Variants in UBD observed in about 807,000 individuals in gnomAD.
The protein encoded by UBD is ubiquitin like modifier D.
A neutral mutation model predicts 2.3 loss-of-function variants in UBD; 1 was observed. That is an observed-to-expected ratio of 0.43 (90% CI 0.15 to 2.06). UBD has a LOEUF of 2.06. Ranked by LOEUF, UBD falls within the 30% of genes most tolerant of loss-of-function variation. The pLI, the probability that UBD is intolerant of heterozygous loss-of-function variation, is 0.29. For missense variants in UBD, 175 were observed against 199.3 expected (o/e 0.88, Z 0.73); for synonymous variants, 75 against 76.5 (o/e 0.98, Z 0.10).
rs149806360 is a variant in UBD, at chr6:29,556,010, G to T, written c.368C>A (p.Thr123Lys). 6.2e-7 allele frequency: 1 copy of T among 1,613,046 alleles called. No homozygotes were observed. Among genetic ancestry groups the T allele is most frequent in the South Asian group, 1.1e-5 (1 of 91,078 alleles). Residue 123 changes from threonine (T) to lysine (K), a missense_variant, in exon 2 of 2, where the codon ACG becomes AAG. Coordinates refer to ENST00000377050, the MANE Select transcript of UBD (RefSeq NM_006398.4). ...AATCTGGGTCTCAGGGATTATACCC[G>T]TCTTAGTCTCGATCATTGCTTTCAC... ...AQVKAMIETK[T>K]GIIPETQIVT... is the part of the protein sequence containing the mutation.
In UBD at chr6:29,556,275, C is replaced by T. The variant is rs1286199382; in HGVS notation, c.103G>A (p.Glu35Lys). Residue 35 changes from glutamate (E) to lysine (K), a missense_variant, in exon 2 of 2, where the codon GAA (glutamate) becomes AAA (lysine). Physicochemically the swap from Glu to Lys is moderately conservative, Grantham distance 56 (BLOSUM62 1). Coordinates refer to ENST00000377050, the MANE Select transcript of UBD (RefSeq NM_006398.4). ...ACCTTGGTCTTAGACCGGACATGTTCTTTGATTTTTTTCACGCTGTCATAT... is the reference window on the plus strand; with the variant it reads ...ACCTTGGTCTTAGACCGGACATGTTTTTTGATTTTTTTCACGCTGTCATAT... ...NPYDSVKKIK[E>K]HVRSKTKVPV... 1 of 1,613,070 alleles carries T rather than the reference C, an allele frequency of 6.2e-7. No individual in the cohort carries two copies. Among genetic ancestry groups the T allele is most frequent in the South Asian group, 1.1e-5 (1 of 91,080 alleles).
rs536387454 is a variant in UBD, at chr6:29,555,755, C to G, written c.*125G>C. 55 of 717,524 alleles carry G rather than the reference C, an allele frequency of 7.7e-5. No homozygotes were observed. In the African/African-American group the frequency reaches 8.4e-4, roughly 11 times the overall value. The allele number at this position is 717,524 out of a possible 1,614,324, so 44.4% of individuals were successfully genotyped here. On this transcript the variant is annotated 3_prime_UTR_variant, in exon 2 of 2. Transcript: ENST00000377050. ...TATACTTCATCCTACCCATCCCACC[C>G]AAATCTTACTCTACTCATCTCATTC... is the stretch of plus-strand genomic sequence containing the variant.
chr6:29,555,950 T>G lies in UBD; in HGVS notation c.428A>C (p.Lys143Thr). ...TCTGATGCCGTAATCTGCCATCATC[T>G]TCCCATCTTCCAGTCTCTTTCCATT... Reference protein sequence around the residue: ...TCNGKRLEDGKMMADYGIRKG... With the variant: ...TCNGKRLEDGTMMADYGIRKG... The change falls in exon 2 of 2, where the codon AAG (lysine) becomes ACG (threonine). Residue 143 changes from lysine (K) to threonine (T), a missense_variant. Coordinates refer to ENST00000377050, the MANE Select transcript of UBD (RefSeq NM_006398.4). 1 of 1,613,122 alleles carries G rather than the reference T, an allele frequency of 6.2e-7. No individual in the cohort carries two copies. Among genetic ancestry groups the G allele is most frequent in the Non-Finnish European group, 8.5e-7 (1 of 1,180,038 alleles).
At position 29,556,071 on chromosome 6, in the gene UBD, G is replaced by C; in HGVS notation, c.307C>G (p.Leu103Val). 4.3e-6 allele frequency: 7 copies of C among 1,613,106 alleles called. No homozygotes were observed. Among genetic ancestry groups the C allele is most frequent in the Non-Finnish European group, 5.9e-6 (7 of 1,180,032 alleles). Residue 103 changes from leucine to valine, a missense_variant, in exon 2 of 2, where the codon CTC becomes GTC. Physicochemically the swap from Leu to Val is conservative, Grantham distance 32 (BLOSUM62 1). Coordinates refer to ENST00000377050, the MANE Select transcript of UBD (RefSeq NM_006398.4). ...VESGDEAKRH[L>V]LQVRRSSSVA... ...GAGCTGGACCTTCGCACCTGGAGGAGGTGCCTCTTTGCCTCATCACCTGAC... is the reference window on the plus strand; with the variant it reads ...GAGCTGGACCTTCGCACCTGGAGGACGTGCCTCTTTGCCTCATCACCTGAC...
Position 29,556,043 on chromosome 6 carries a change from A to G in UBD, c.335T>C (p.Val112Ala). Residue 112 changes from valine to alanine, a missense_variant, in exon 2 of 2, where the codon GTG (valine) becomes GCG (alanine). Coordinates refer to ENST00000377050, the MANE Select transcript of UBD (RefSeq NM_006398.4). ...HLLQVRRSSS[V>A]AQVKAMIETK... ...CTCGATCATTGCTTTCACTTGTGCCACTGAGCTGGACCTTCGCACCTGGAG... is the reference window on the plus strand; with the variant it reads ...CTCGATCATTGCTTTCACTTGTGCCGCTGAGCTGGACCTTCGCACCTGGAG... 1 of 1,613,048 alleles carries G rather than the reference A, an allele frequency of 6.2e-7. No individual in the cohort carries two copies. The highest frequency in any genetic ancestry group is 1.3e-5 in the African/African-American group (1 of 75,008).
rs1392599239 is a variant in UBD at position 29,555,962 on chromosome 6, A to G, written c.416T>C (p.Leu139Pro). Residue 139 changes from leucine (L) to proline (P), a missense_variant, in exon 2 of 2, where the codon CTG becomes CCG. Leu to Pro is a moderately conservative substitution (Grantham distance 98, BLOSUM62 -3). Transcript: ENST00000377050. ...ATCTGCCATCATCTTCCCATCTTCC[A>G]GTCTCTTTCCATTGCAAGTCACAAT... ...TQIVTCNGKR[L>P]EDGKMMADYG... 3.7e-6 allele frequency: 6 copies of G among 1,613,088 alleles called. No individual in the cohort carries two copies. In the South Asian group the frequency reaches 4.4e-5, roughly 12 times the overall value.
At chr6:29,559,328 G>C (rs917062405) in intron 1 of UBD, among the ~76,000 whole-genome samples, 1 of 152,200 alleles carries the variant, frequency 6.6e-6, no homozygotes, top group Non-Finnish European at 1.5e-5. Context: ...TTTGAGAGGA[G>C]AGGGAAGATT....
Position 29,556,298 on chromosome 6 carries a change from T to C in UBD, c.80A>G (p.Tyr27Cys). The change falls in exon 2 of 2, where the codon TAT becomes TGT. Residue 27 changes from tyrosine (Y) to cysteine (C), a missense_variant. Coordinates refer to ENST00000377050, the MANE Select transcript of UBD (RefSeq NM_006398.4). ...WDLMTFDANP[Y>C]DSVKKIKEHV... ...TTCTTTGATTTTTTTCACGCTGTCA[T>C]ATGGGTTGGCATCAAAGGTCATTAA... 1 of 1,613,054 alleles carries C rather than the reference T, an allele frequency of 6.2e-7. No homozygotes were observed. The highest frequency in any genetic ancestry group is 8.5e-7 in the Non-Finnish European group (1 of 1,180,028).
rs1022359803 is a variant in UBD at position 29,555,571 on chromosome 6, G to A, written c.*309C>T. On this transcript the variant is annotated 3_prime_UTR_variant, in exon 2 of 2. Coordinates refer to ENST00000377050, the MANE Select transcript of UBD (RefSeq NM_006398.4). ...TAAAGGAAAGGAGATAGGAGTTTTT[G>A]CATAAATAACAAGGTATCAAGACAG... 6.4e-5 allele frequency: 22 copies of A among 344,570 alleles called. No individual in the cohort carries two copies. Among genetic ancestry groups the A allele is most frequent in the Non-Finnish European group, 6.8e-5 (13 of 192,396 alleles). The allele number at this position is 344,570 out of a possible 1,614,324, so 21.3% of individuals were successfully genotyped here. A position where few individuals can be genotyped will look rare whatever the true frequency, so the allele number is the denominator to read the frequency against.
rs745633939 is a variant in UBD, at chr6:29,559,681, G to T, written c.21C>A (p.Cys7Ter). 2.7e-5 allele frequency: 44 copies of T among 1,612,860 alleles called. 1 individual carries two copies. In the Admixed American group the frequency reaches 7.2e-4, roughly 26 times the overall value. The part of the protein sequence containing the change: MAPNAS[C>*]LCVHVRSEEW... ...TTATCAAATCCCAACTTACACAGAGGCAGGAAGCATTGGGAGCCATCTCTG... is the reference window on the plus strand; with the variant it reads ...TTATCAAATCCCAACTTACACAGAGTCAGGAAGCATTGGGAGCCATCTCTG... The change falls in exon 1 of 2, where the codon TGC (cysteine) becomes TGA (stop). Residue 7 changes from cysteine to a stop codon, truncating the protein, a stop_gained. Transcript: ENST00000377050. LOFTEE classifies it low-confidence loss of function (END_TRUNC).
intron 1 of UBD, chr6:29,556,962 T>C (rs1003527125): frequency 6.6e-6 from 1 of 152,252 alleles, no homozygotes; most frequent in African/African-American, 2.4e-5. Context: ...GTCTCAAAAA[T>C]ATAAATAAAT....
At chr6:29,558,087 A>G (rs1582869098) in intron 1 of UBD, among the ~76,000 whole-genome samples, 1 of 152,226 alleles carries the variant, frequency 6.6e-6, no homozygotes, top group African/African-American at 2.4e-5. Flanking sequence ...TAGGACACAT[A>G]ATCACTGAAC....
At chr6:29,557,930 T>C (rs534138345) in intron 1 of UBD, among the ~76,000 whole-genome samples, 1 of 152,350 alleles carries the variant, frequency 6.6e-6, no homozygotes, top group Admixed American at 6.5e-5. Context: ...GTTTGTCAAA[T>C]GTCAACAAGT....
intron 1 of UBD, chr6:29,557,131 G>C (rs1333745917): frequency 6.6e-6 from 1 of 152,128 alleles, no homozygotes; most frequent in Non-Finnish European, 1.5e-5. Context: ...ACAAGACCGA[G>C]GGCTATAACA....
At position 29,555,629 on chromosome 6, in the gene UBD, T is replaced by C. The variant is rs953094659; in HGVS notation, c.*251A>G. 7.1e-5 allele frequency: 35 copies of C among 494,140 alleles called. No homozygotes were observed. Among genetic ancestry groups the C allele is most frequent in the Non-Finnish European group, 1.2e-4 (33 of 283,486 alleles). 30.6% of individuals were successfully genotyped at this position (494,140 alleles called of 1,614,324 possible). A position where few individuals can be genotyped will look rare whatever the true frequency, so the allele number is the denominator to read the frequency against. On this transcript the variant is annotated 3_prime_UTR_variant, in exon 2 of 2. Transcript: ENST00000377050. ...TTCCAAGCTGGCTTTGAATGCTCTA[T>C]TTTGCCTTAAAAATTTATTTACTAG... is the stretch of plus-strand genomic sequence containing the variant.
At position 29,559,702 on chromosome 6, in the gene UBD, C is replaced by T; in HGVS notation, c.-1G>A. ...AGAGGCAGGAAGCATTGGGAGCCATCTCTGCAGACAAGGGGCCAGAAACCA... is the reference window on the plus strand; with the variant it reads ...AGAGGCAGGAAGCATTGGGAGCCATTTCTGCAGACAAGGGGCCAGAAACCA... On this transcript the variant is annotated 5_prime_UTR_variant, in exon 1 of 2. Coordinates refer to ENST00000377050, the MANE Select transcript of UBD (RefSeq NM_006398.4). 1 of 1,613,048 alleles carries T rather than the reference C, an allele frequency of 6.2e-7. No individual in the cohort carries two copies. The highest frequency in any genetic ancestry group is 1.1e-5 in the South Asian group (1 of 91,072).
At chr6:29,557,916 TAA>T (rs1762609077) in intron 1 of UBD, among the ~76,000 whole-genome samples, 2 of 152,182 alleles carry the variant, frequency 1.3e-5, no homozygotes, top group East Asian at 3.8e-4. Context: ...CCTATCCAGA[TAA>T]AGTTTGTCAA....
intron 1 of UBD, among the ~76,000 whole-genome samples, chr6:29,558,495 T>G (rs1444002130): frequency 6.6e-6 from 1 of 152,208 alleles, no homozygotes; most frequent in Non-Finnish European, 1.5e-5. Context: ...CCCCTCCCTT[T>G]GTATGGGAGC....
intron 1 of UBD, among the ~76,000 whole-genome samples, chr6:29,559,339 A>G (rs184137837): frequency 6.6e-6 from 1 of 152,342 alleles, no homozygotes; most frequent in African/African-American, 2.4e-5. Context: ...AGGGAAGATT[A>G]AGTTTAAGAA....
Sources: gnomAD v4.1 joint callset for allele counts (sites outside exome capture counted in the v4.1 genomes callset) on GRCh38, gnomAD v4.1.1 for gene constraint, MANE v1.5 for transcripts, NCBI Gene and HGNC (gene_info 2026-07-23, HGNC 2026-07-21) for gene names.